The following KHDRBS2 variants were observed in gnomAD, a reference collection of about 807,000 sequenced individuals.
The protein encoded by KHDRBS2 is KH RNA binding domain containing, signal transduction associated 2.
Under a neutral mutation model 44.3 loss-of-function variants are expected in KHDRBS2, and 26 were observed. The observed-to-expected ratio is 0.59, with a 90% CI of 0.43 to 0.81. The LOEUF is 0.81. Ranked by LOEUF, KHDRBS2 falls within the 40% of genes least tolerant of loss-of-function variation. The probability of loss-of-function intolerance (pLI) is 0.00; values close to 1 mark genes in which losing one functional copy is unlikely to be tolerated. For missense variants in KHDRBS2, 476 were observed against 433.1 expected (o/e 1.10, Z -0.88); for synonymous variants, 194 against 151.1 (o/e 1.28, Z -2.08).
chr6:61,629,393 C>A, the KHDRBS2 span, among the ~76,000 whole-genome samples: 2 of 152,118 alleles, frequency 1.3e-5, no homozygotes, highest in Non-Finnish European at 2.9e-5. Context: ...CTTACACTAC[C>A]ATATGCCCAT....
At chr6:61,854,144 A>G (rs910538516) in intron 6 of KHDRBS2, among the ~76,000 whole-genome samples, 1 of 99,554 alleles carries the variant, frequency 1.0e-5, no homozygotes, top group African/African-American at 3.7e-5. Context: ...ATTTTGAAAA[A>G]TCGTGTAGAA....
intron 3 of KHDRBS2, among the ~76,000 whole-genome samples, chr6:62,038,287 C>T (rs1408221711): frequency 6.6e-5 from 10 of 151,630 alleles, no homozygotes; most frequent in African/African-American, 1.9e-4. Flanking sequence ...GTAAACTCTG[C>T]GGTGTTGTTA....
chr6:62,108,027 G>A (rs1238877870), intron 2 of KHDRBS2, among the ~76,000 whole-genome samples: 1 of 152,164 alleles, frequency 6.6e-6, no homozygotes, highest in Admixed American at 6.5e-5. Flanking sequence ...TCAGGACATA[G>A]GCATGGGCAA....
intron 1 of KHDRBS2, among the ~76,000 whole-genome samples, chr6:62,213,873 C>CAAAAAAAAAAAAAAAAAAAAAAAAA (rs67482871): frequency 2.4e-5 from 1 of 41,486 alleles, no homozygotes; most frequent in Non-Finnish European, 4.1e-5. Context: ...GACTCCATCT[C>CAAAAAAAAAAAAAAAAAAAAAAAAA]AAAAAAAAAA....
intron 1 of KHDRBS2, among the ~76,000 whole-genome samples, chr6:62,267,942 T>C (rs550736228): frequency 6.6e-6 from 1 of 152,068 alleles, no homozygotes; most frequent in African/African-American, 2.4e-5. Flanking sequence ...AAATCGATAT[T>C]TATATGTTAT....
the KHDRBS2 span, among the ~76,000 whole-genome samples, chr6:61,630,703 G>C: frequency 6.6e-6 from 1 of 152,192 alleles, no homozygotes; most frequent in African/African-American, 2.4e-5. Flanking sequence ...CCAGAGAAGA[G>C]AGTGGCCTGG....
intron 6 of KHDRBS2, among the ~76,000 whole-genome samples, chr6:61,775,799 T>G (rs147226924): frequency 1.5e-4 from 23 of 151,924 alleles, no homozygotes; most frequent in African/African-American, 4.4e-4. Flanking sequence ...CTACTTTAAA[T>G]TTCATATGGA....
the KHDRBS2 span, among the ~76,000 whole-genome samples, chr6:61,628,218 T>C: frequency 1.4e-5 from 1 of 71,238 alleles, no homozygotes; most frequent in Non-Finnish European, 3.0e-5. Context: ...GCCTTTTTTT[T>C]TTTTTTTTTT....
chr6:61,757,028 G>A (rs1199949657), intron 6 of KHDRBS2, among the ~76,000 whole-genome samples: 6 of 152,234 alleles, frequency 3.9e-5, no homozygotes, highest in Middle Eastern at 3.4e-3. Context: ...AGCTTCCTCC[G>A]CATTTTGATT....
At position 62,144,627 on chromosome 6, in the gene KHDRBS2, T is replaced by C. The variant is rs368408496; in HGVS notation, c.219+32558A>G. 3.1e-4 allele frequency among the ~76,000 whole-genome samples: 47 copies of C among 152,112 alleles called. No individual in the cohort carries two copies. In the South Asian group the frequency reaches 4.1e-3, roughly 13 times the overall value. ...TCTTACCAATCGATATTTACTCTAG[T>C]ATTTTAAATAATATGCACCATTTAA... On this transcript the variant is annotated intron_variant, in intron 2 of 8. Coordinates refer to ENST00000281156, the MANE Select transcript of KHDRBS2 (RefSeq NM_152688.4).
chr6:61,929,648 G>C (rs1809646291), intron 4 of KHDRBS2, among the ~76,000 whole-genome samples: 1 of 152,096 alleles, frequency 6.6e-6, no homozygotes, highest in Non-Finnish European at 1.5e-5. Context: ...AAATGCACTA[G>C]TTTAGTATGA....
intron 4 of KHDRBS2, 100 bp from the exon 5 acceptor site, chr6:61,901,471 A>C (rs893885184): frequency 2.1e-6 from 2 of 931,740 alleles, no homozygotes; most frequent in Admixed American, 2.5e-5. Context: ...ATAGGAAATA[A>C]TTTTTTTCAT....
intron 6 of KHDRBS2, among the ~76,000 whole-genome samples, chr6:61,741,504 C>T (rs2127564101): frequency 6.6e-6 from 1 of 151,956 alleles, no homozygotes; most frequent in South Asian, 2.1e-4. Context: ...TAAGGGGGTA[C>T]ATGTTGACTT....
At chr6:61,755,278 GT>G (rs1778318357) in intron 6 of KHDRBS2, among the ~76,000 whole-genome samples, 1 of 151,986 alleles carries the variant, frequency 6.6e-6, no homozygotes, top group African/African-American at 2.4e-5. Context: ...GAATTGATCT[GT>G]TTTAGCTACT....
At chr6:62,083,580 C>T (rs1797834060) in intron 2 of KHDRBS2, among the ~76,000 whole-genome samples, 1 of 152,042 alleles carries the variant, frequency 6.6e-6, no homozygotes, top group Non-Finnish European at 1.5e-5. Flanking sequence ...TTAGGCAACC[C>T]CTAGACTCTG....
At position 61,897,700 on chromosome 6, in the gene KHDRBS2, T is replaced by C. The variant is rs558997287; in HGVS notation, c.612-2867A>G. Among the ~76,000 whole-genome samples the C allele has an allele frequency of 3.6e-5, 5 of 137,220 alleles. No homozygotes were observed. In the East Asian group the frequency reaches 8.9e-4, roughly 24 times the overall value. The allele number at this position is 137,220 out of a possible 152,430, so 90.0% of individuals were successfully genotyped here. On this transcript the variant is annotated intron_variant, in intron 5 of 8. Coordinates refer to ENST00000281156, the MANE Select transcript of KHDRBS2 (RefSeq NM_152688.4). ...TTGGCTCCCCTGCCATAAGACGGTT[T>C]CTCTGTCTCTGTCTCTCTCTCTCTC...
chr6:61,844,803 T>A (rs1430259499), intron 6 of KHDRBS2, among the ~76,000 whole-genome samples: 1 of 152,184 alleles, frequency 6.6e-6, no homozygotes, highest in Non-Finnish European at 1.5e-5. Flanking sequence ...CTGCCGTACA[T>A]TTTAGTTATT....
Position 62,110,333 on chromosome 6 carries a change from C to T in KHDRBS2, c.220-62339G>A, listed in dbSNP as rs189935752. On this transcript the variant is annotated intron_variant, in intron 2 of 8. Transcript: ENST00000281156. The stretch of plus-strand genomic sequence containing the variant: ...GCCATTCAAATCATAGTTAATTACC[C>T]AAGAGAAAGAAATATCTGTACCCAT... Among the ~76,000 whole-genome samples, 216 of 152,028 alleles carry T rather than the reference C, an allele frequency of 1.4e-3. 1 individual carries two copies. Among genetic ancestry groups the T allele is most frequent in the African/African-American group, 5.0e-3 (206 of 41,500 alleles).
chr6:61,652,190 A>G, the KHDRBS2 span: 1 of 152,132 alleles, frequency 6.6e-6, no homozygotes, highest in African/African-American at 2.4e-5. Context: ...TTGGAAAGAA[A>G]TCTTCACTGT....
Sources: gnomAD v4.1 joint callset for allele counts (sites outside exome capture counted in the v4.1 genomes callset) on GRCh38, gnomAD v4.1.1 for gene constraint, MANE v1.5 for transcripts, NCBI Gene and HGNC (gene_info 2026-07-23, HGNC 2026-07-21) for gene names.